The following PRKG1 variants were observed in gnomAD, a reference collection of about 807,000 sequenced individuals.
PRKG1 encodes protein kinase cGMP-dependent 1.
A neutral mutation model predicts 88.1 loss-of-function variants in PRKG1; 35 were observed. That is an observed-to-expected ratio of 0.40 (90% CI 0.30 to 0.53). The LOEUF is 0.53. PRKG1 is among the 20% of genes least tolerant of loss of function. The probability of loss-of-function intolerance (pLI) is 0.59; values close to 1 mark genes in which losing one functional copy is unlikely to be tolerated. For synonymous variants in PRKG1, 303 were observed against 292.5 expected (o/e 1.04, Z -0.37); for missense variants, 540 against 839.8 (o/e 0.64, Z 4.41).
intron 8 of PRKG1, among the ~76,000 whole-genome samples, chr10:52,150,640 A>G (rs752559451): frequency 2.6e-5 from 4 of 152,200 alleles, no homozygotes; most frequent in Non-Finnish European, 4.4e-5. Flanking sequence ...GAGCAGAAAT[A>G]AAAAGTCCAG....
chr10:50,996,713 C>A (rs939681343), intron 1 of PRKG1, among the ~76,000 whole-genome samples: 1 of 152,172 alleles, frequency 6.6e-6, no homozygotes, highest in East Asian at 1.9e-4. Flanking sequence ...CCTTTGAATA[C>A]CCTTTGCTAT....
chr10:51,816,064 C>T (rs1055758712), intron 4 of PRKG1, among the ~76,000 whole-genome samples: 5 of 152,168 alleles, frequency 3.3e-5, no homozygotes, highest in Non-Finnish European at 1.5e-5. Context: ...ATTTTGACAG[C>T]TCCTTTAAGA....
At chr10:51,816,215 A>G (rs1839580844) in intron 4 of PRKG1, among the ~76,000 whole-genome samples, 1 of 152,156 alleles carries the variant, frequency 6.6e-6, no homozygotes, top group Non-Finnish European at 1.5e-5. Flanking sequence ...TTAGTCCAAG[A>G]AAAGACTAAG....
In PRKG1 at chr10:52,188,282, ATATATG is replaced by A. The variant is rs1358716138; in HGVS notation, c.1076+26321_1076+26326del. Among the ~76,000 whole-genome samples, 54 of 27,704 alleles carry A rather than the reference ATATATG, an allele frequency of 1.9e-3. 2 individuals are homozygous for A. In the East Asian group the frequency reaches 0.025, roughly 13 times the overall value. The allele number at this position is 27,704 out of a possible 152,430, so 18.2% of individuals were successfully genotyped here. A position where few individuals can be genotyped will look rare whatever the true frequency, so the allele number is the denominator to read the frequency against. ...TATATACATATGTATATATATACAT[ATATATG>A]TGTATATATATATGTATATATATAC... On this transcript the variant is annotated intron_variant, in intron 9 of 17. Transcript: ENST00000373980.
At chr10:51,890,810 G>T (rs1433007441) in intron 4 of PRKG1, among the ~76,000 whole-genome samples, 1 of 152,114 alleles carries the variant, frequency 6.6e-6, no homozygotes, top group East Asian at 1.9e-4. Context: ...ACAAAAATTA[G>T]TTGAGTGTGA....
At chr10:51,536,586 G>A (rs1842156167) in intron 3 of PRKG1, among the ~76,000 whole-genome samples, 1 of 151,976 alleles carries the variant, frequency 6.6e-6, no homozygotes, top group Non-Finnish European at 1.5e-5. Context: ...TGCTTTTGAG[G>A]ATTTTGTCAT....
intron 2 of PRKG1, among the ~76,000 whole-genome samples, chr10:51,390,237 T>A (rs1434428629): frequency 6.6e-6 from 1 of 152,216 alleles, no homozygotes; most frequent in Non-Finnish European, 1.5e-5. Context: ...AATGACTAAC[T>A]GGAATCACTG....
At chr10:51,918,435 C>T (rs760001152) in intron 5 of PRKG1, among the ~76,000 whole-genome samples, 2 of 151,652 alleles carry the variant, frequency 1.3e-5, no homozygotes, top group East Asian at 1.9e-4. Flanking sequence ...CCACGAGACC[C>T]GAAACAAAGT....
At chr10:52,183,771 C>T (rs927582179) in intron 9 of PRKG1, among the ~76,000 whole-genome samples, 3 of 152,176 alleles carry the variant, frequency 2.0e-5, no homozygotes, top group African/African-American at 2.4e-5. Flanking sequence ...TGAGGGAGTG[C>T]GCATGTTGTG....
chr10:51,509,952 T>C (rs972148506), intron 3 of PRKG1, among the ~76,000 whole-genome samples: 1 of 152,156 alleles, frequency 6.6e-6, no homozygotes, highest in African/African-American at 2.4e-5. Context: ...ACCTAGAACC[T>C]GCTTTTAAGG....
At chr10:52,115,461 C>T (rs192891731) in intron 7 of PRKG1, among the ~76,000 whole-genome samples, 165 of 152,246 alleles carry the variant, frequency 1.1e-3, no homozygotes, top group African/African-American at 3.7e-3. Flanking sequence ...ATACACAATA[C>T]TTCTCATTTT....
rs1410182396 is a variant in PRKG1 at position 51,138,683 on chromosome 10, T to G, written c.312-14481T>G. ...TTTGGACATTGAGTTTTGTTTTTTT[T>G]TTTTTTTTTTTTTTTTTTGAGACAG... On this transcript the variant is annotated intron_variant, in intron 1 of 17. Transcript: ENST00000373980. Among the ~76,000 whole-genome samples, 509 of 128,080 alleles carry G rather than the reference T, an allele frequency of 4.0e-3. 7 individuals are homozygous for G. Among genetic ancestry groups the G allele is most frequent in the African/African-American group, 0.014 (486 of 35,006 alleles). The allele number at this position is 128,080 out of a possible 152,430, so 84.0% of individuals were successfully genotyped here. A position where few individuals can be genotyped will look rare whatever the true frequency, so the allele number is the denominator to read the frequency against.
intron 9 of PRKG1, among the ~76,000 whole-genome samples, chr10:52,168,847 T>C (rs1450049086): frequency 6.6e-6 from 1 of 152,124 alleles, no homozygotes; most frequent in Non-Finnish European, 1.5e-5. Flanking sequence ...AGTGACAGAA[T>C]TCACTAAGGT....
chr10:51,128,885 T>C (rs568265828), intron 1 of PRKG1, among the ~76,000 whole-genome samples: 1 of 152,288 alleles, frequency 6.6e-6, no homozygotes, highest in South Asian at 2.1e-4. Flanking sequence ...GTTAATTCGA[T>C]GAAAGTTTAT....
intron 2 of PRKG1, among the ~76,000 whole-genome samples, chr10:51,271,177 G>T (rs1839969337): frequency 3.3e-5 from 5 of 152,106 alleles, no homozygotes; most frequent in African/African-American, 1.2e-4. Flanking sequence ...GGTATGAAGA[G>T]AAGCTATATA....
intron 9 of PRKG1, among the ~76,000 whole-genome samples, chr10:52,215,188 A>G (rs1840079158): frequency 6.6e-6 from 1 of 152,012 alleles, no homozygotes. Flanking sequence ...TGAGGTCAGG[A>G]GTTTGAGACC....
At chr10:52,009,024 A>G (rs1844812459) in intron 5 of PRKG1, among the ~76,000 whole-genome samples, 1 of 152,158 alleles carries the variant, frequency 6.6e-6, no homozygotes, top group Non-Finnish European at 1.5e-5. Flanking sequence ...GAAGAAATAT[A>G]CTTCAAAAAA....
intron 2 of PRKG1, among the ~76,000 whole-genome samples, chr10:51,434,252 C>T (rs1218100777): frequency 6.6e-6 from 1 of 152,132 alleles, no homozygotes; most frequent in African/African-American, 2.4e-5. Flanking sequence ...CCTTTAATCT[C>T]TCTGCTGCCC....
intron 3 of PRKG1, among the ~76,000 whole-genome samples, chr10:51,533,874 G>A (rs1388840608): frequency 1.3e-5 from 2 of 152,138 alleles, no homozygotes; most frequent in Non-Finnish European, 2.9e-5. Flanking sequence ...GAATCGGAAG[G>A]TTACAAGAAT....
Sources: allele counts gnomAD v4.1 joint callset (sites outside exome capture counted in the v4.1 genomes callset), GRCh38; gene constraint gnomAD v4.1.1; transcripts MANE v1.5; gene names NCBI Gene and HGNC (gene_info 2026-07-23, HGNC 2026-07-21).